Variants in JMJD1C observed in about 807,000 individuals in gnomAD.
JMJD1C encodes the protein jumonji domain containing 1C, also known as jumonji domain-containing protein 1C.
JMJD1C carries 31 observed loss-of-function variants against 245.3 expected under a neutral mutation model. The observed-to-expected ratio is 0.13, with a 90% CI of 0.09 to 0.17. JMJD1C has a LOEUF of 0.17. JMJD1C is among the 10% of genes least tolerant of loss of function. The pLI is 1.00. For synonymous variants in JMJD1C, 1,057 were observed against 1,017.4 expected, an observed-to-expected ratio of 1.04 and a Z score of -0.74; for missense variants, 2,691 against 3,000.2, an observed-to-expected ratio of 0.90 and a Z score of 2.41.
At chr10:63,287,756 CTT>C (rs376923782) in intron 2 of JMJD1C, among the ~76,000 whole-genome samples, 1 of 148,514 alleles carries the variant, frequency 6.7e-6, no homozygotes, top group Admixed American at 6.7e-5. Context: ...TTTTCTTTTT[CTT>C]TTTTTTTTGA....
chr10:63,518,223 G>T (rs997971800), intron 1 of JMJD1C, among the ~76,000 whole-genome samples: 1 of 152,174 alleles, frequency 6.6e-6, no homozygotes, highest in Non-Finnish European at 1.5e-5. Flanking sequence ...CACTTTTCAT[G>T]AGAGACTCTT....
intron 3 of JMJD1C, among the ~76,000 whole-genome samples, chr10:63,248,597 T>C (rs1371339801): frequency 6.6e-6 from 1 of 151,822 alleles, no homozygotes; most frequent in African/African-American, 2.4e-5. Context: ...CACTGTTGAA[T>C]ATGTGGGAAA....
chr10:63,474,702 A>G (rs1156881704), intron 1 of JMJD1C, among the ~76,000 whole-genome samples: 2 of 152,054 alleles, frequency 1.3e-5, no homozygotes, highest in African/African-American at 2.4e-5. Flanking sequence ...CTCTCACCTT[A>G]GCCTCCCAAA....
intron 10 of JMJD1C, chr10:63,202,183 G>T: frequency 2.3e-6 from 1 of 425,916 alleles, no homozygotes; most frequent in Non-Finnish European, 3.1e-6. Flanking sequence ...GATCCCAGGG[G>T]GCGGAAGTTG....
At chr10:63,379,654 T>A (rs1947050804) in intron 2 of JMJD1C, among the ~76,000 whole-genome samples, 1 of 152,238 alleles carries the variant, frequency 6.6e-6, no homozygotes, top group Non-Finnish European at 1.5e-5. Flanking sequence ...ATCTCCCACT[T>A]AACAAAGTTT....
At chr10:63,518,291 G>A (rs879761871) in intron 1 of JMJD1C, among the ~76,000 whole-genome samples, 8 of 152,164 alleles carry the variant, frequency 5.3e-5, no homozygotes, top group Non-Finnish European at 1.0e-4. Flanking sequence ...CAGATTCAAT[G>A]TGCCCCTTGC....
At chr10:63,465,383 T>A in intron 1 of JMJD1C, 112 bp downstream of exon 1, 1 of 1,141,366 alleles carries the variant, frequency 8.8e-7, no homozygotes, top group Non-Finnish European at 1.2e-6. Flanking sequence ...CAGAGGGGCG[T>A]GACCGCCAGT....
At chr10:63,297,484 A>G (rs1326062693) in intron 2 of JMJD1C, among the ~76,000 whole-genome samples, 1 of 152,138 alleles carries the variant, frequency 6.6e-6, no homozygotes, top group African/African-American at 2.4e-5. Flanking sequence ...ACATAACCTC[A>G]TTCTTCCTGG....
At chr10:63,387,240 T>C (rs1947679819) in intron 1 of JMJD1C, among the ~76,000 whole-genome samples, 1 of 152,020 alleles carries the variant, frequency 6.6e-6, no homozygotes, top group Non-Finnish European at 1.5e-5. Context: ...TAGATATCAA[T>C]GTAGAAATAA....
upstream of JMJD1C, chr10:63,466,139 A>C (rs1017942968): frequency 1.1e-4 from 20 of 176,944 alleles, no homozygotes; most frequent in Middle Eastern, 2.1e-3. Flanking sequence ...CCAGATCCAG[A>C]GGCGGCGGCG....
chr10:63,452,876 T>G (rs1360376256), intron 1 of JMJD1C, among the ~76,000 whole-genome samples: 1 of 152,170 alleles, frequency 6.6e-6, no homozygotes, highest in Non-Finnish European at 1.5e-5. Flanking sequence ...CACAGAGACA[T>G]TAGATAGAGA....
intron 2 of JMJD1C, among the ~76,000 whole-genome samples, chr10:63,299,933 AATG>A (rs898553446): frequency 6.6e-6 from 1 of 151,892 alleles, no homozygotes; most frequent in Non-Finnish European, 1.5e-5. Flanking sequence ...TGTCACTTAT[AATG>A]ATGATGATGA....
At chr10:63,290,510 A>C (rs1035610775) in intron 2 of JMJD1C, among the ~76,000 whole-genome samples, 2 of 152,036 alleles carry the variant, frequency 1.3e-5, no homozygotes, top group African/African-American at 4.8e-5. Flanking sequence ...GCAGTGAGCC[A>C]AGATCGCACC....
At chr10:63,284,228 G>A (rs1374286871) in intron 2 of JMJD1C, among the ~76,000 whole-genome samples, 2 of 152,118 alleles carry the variant, frequency 1.3e-5, no homozygotes, top group African/African-American at 2.4e-5. Flanking sequence ...GTTTCACCAT[G>A]TTGAGCAGGC....
chr10:63,374,711 G>A (rs922789129), intron 2 of JMJD1C, among the ~76,000 whole-genome samples: 1 of 152,002 alleles, frequency 6.6e-6, no homozygotes, highest in Admixed American at 6.6e-5. Context: ...TAAGGAAATG[G>A]GTCATTATAA....
chr10:63,225,581 C>T (rs1323696821), intron 3 of JMJD1C, among the ~76,000 whole-genome samples: 4 of 152,008 alleles, frequency 2.6e-5, no homozygotes, highest in Non-Finnish European at 4.4e-5. Flanking sequence ...ATTAGGGGTT[C>T]GACCTGGCCA....
At chr10:63,408,040 A>T (rs1042230549) in intron 1 of JMJD1C, among the ~76,000 whole-genome samples, 2 of 152,196 alleles carry the variant, frequency 1.3e-5, no homozygotes, top group Non-Finnish European at 2.9e-5. Context: ...GAAACAATTC[A>T]GAAAAACTTT....
rs573378905 is a variant in JMJD1C at position 63,430,259 on chromosome 10, A to G, written c.168+35236T>C. ...AAACTCTTAGAAGAAAACATATAAGAATATCTTTGTGACATTGAGTTGGGC... is the reference window on the plus strand; with the variant it reads ...AAACTCTTAGAAGAAAACATATAAGGATATCTTTGTGACATTGAGTTGGGC... On this transcript the variant is annotated intron_variant, in intron 1 of 25. Coordinates refer to ENST00000399262, the MANE Select transcript of JMJD1C (RefSeq NM_032776.3). Among the ~76,000 whole-genome samples the G allele has an allele frequency of 2.0e-5, 3 of 152,358 alleles. No individual in the cohort carries two copies. In the East Asian group the frequency reaches 5.8e-4, roughly 29 times the overall value.
chr10:63,199,333 T>A (rs766168851), intron 11 of JMJD1C, among the ~76,000 whole-genome samples: 4 of 152,182 alleles, frequency 2.6e-5, no homozygotes, highest in Admixed American at 6.5e-5. Context: ...TGCCATTCTC[T>A]TACTGGCTGG....
Sources: allele counts gnomAD v4.1 joint callset (sites outside exome capture counted in the v4.1 genomes callset), GRCh38; gene constraint gnomAD v4.1.1; transcripts MANE v1.5; gene names NCBI Gene and HGNC (gene_info 2026-07-23, HGNC 2026-07-21).